CAPN5: variants seen among roughly 807,000 people sequenced by gnomAD.
CAPN5 encodes the protein calpain 5.
In CAPN5, 54 loss-of-function variants were observed where a neutral mutation model predicts 73.0. The observed-to-expected ratio is 0.74, with a 90% confidence interval of 0.59 to 0.93. The LOEUF is 0.93. CAPN5 is among the 40% of genes least tolerant of loss of function. The pLI is 0.00. For synonymous variants in CAPN5, 335 were observed against 356.9 expected (o/e 0.94, Z 0.69); for missense variants, 785 against 882.9 (o/e 0.89, Z 1.41).
At chr11:77,096,503 G>A (rs531776490) in intron 3 of CAPN5, among the ~76,000 whole-genome samples, 31 of 152,274 alleles carry the variant, frequency 2.0e-4, no homozygotes, top group Admixed American at 1.2e-3. Context: ...TCTCTGTTCT[G>A]TCAGACATCT....
At chr11:77,074,295 A>C (rs1359905365) in intron 1 of CAPN5, among the ~76,000 whole-genome samples, 1 of 151,454 alleles carries the variant, frequency 6.6e-6, no homozygotes, top group African/African-American at 2.4e-5. Flanking sequence ...CCTGTGCCCC[A>C]GTAAATGCTG....
chr11:77,070,468 A>G (rs1220467614), intron 1 of CAPN5, among the ~76,000 whole-genome samples: 1 of 152,230 alleles, frequency 6.6e-6, no homozygotes, highest in Non-Finnish European at 1.5e-5. Flanking sequence ...TGTTACTCAT[A>G]GCAGGAACTA....
At chr11:77,082,270 C>T (rs1950035479) in intron 1 of CAPN5, among the ~76,000 whole-genome samples, 1 of 152,144 alleles carries the variant, frequency 6.6e-6, no homozygotes, top group Non-Finnish European at 1.5e-5. Flanking sequence ...AGAGGGCAGG[C>T]ACACAGGGCA....
At chr11:77,106,338 C>T (rs1401320396) in intron 3 of CAPN5, among the ~76,000 whole-genome samples, 5 of 151,670 alleles carry the variant, frequency 3.3e-5, no homozygotes, top group African/African-American at 9.7e-5. Context: ...CCAGCCACTC[C>T]TGGAGTTGCC....
chr11:77,095,751 C>A (rs1408606371), intron 3 of CAPN5, among the ~76,000 whole-genome samples: 2 of 152,218 alleles, frequency 1.3e-5, no homozygotes, highest in African/African-American at 4.8e-5. Flanking sequence ...GGTGCAGCTC[C>A]ACCTCTCAAC....
chr11:77,095,233 G>A (rs1477083176), intron 3 of CAPN5, among the ~76,000 whole-genome samples: 1 of 148,688 alleles, frequency 6.7e-6, no homozygotes, highest in African/African-American at 2.5e-5. Flanking sequence ...GCTGGGGCCT[G>A]GTTCTGTGCT....
At chr11:77,087,817 G>T in intron 2 of CAPN5, 2 of 1,323,232 alleles carry the variant, frequency 1.5e-6, no homozygotes, top group Non-Finnish European at 2.1e-6. Context: ...CCTTGGTTGG[G>T]ACATCCCATC....
chr11:77,121,526 C>G (rs1950520313), intron 10 of CAPN5, among the ~76,000 whole-genome samples: 1 of 152,280 alleles, frequency 6.6e-6, no homozygotes, highest in African/African-American at 2.4e-5. Context: ...GGCTCAGGGT[C>G]CTGCCGGCCC....
At chr11:77,104,104 T>G (rs1482975427) in intron 3 of CAPN5, among the ~76,000 whole-genome samples, 1 of 152,196 alleles carries the variant, frequency 6.6e-6, no homozygotes, top group Non-Finnish European at 1.5e-5. Context: ...AGTTTTAGAT[T>G]ATCTGTTCAT....
chr11:77,102,924 G>A lies in CAPN5; in HGVS notation c.297+9111G>A, dbSNP rs375866081. 6.6e-5 allele frequency: 106 copies of A among 1,612,914 alleles called. No homozygotes were observed. The African/African-American group carries it at 1.1e-3, about 17-fold the overall frequency. On this transcript the variant is annotated intron_variant, in intron 3 of 12. Coordinates refer to ENST00000648180, the MANE Select transcript of CAPN5 (RefSeq NM_004055.5). ...CCTGACCAGGCAGATGCGGCTACGC[G>A]TGGAGAGCCTGAAGCAGCGCGGGGA...
rs181111950 is a variant in CAPN5, at chr11:77,112,387, C to T, written c.298-202C>T. On this transcript the variant is annotated intron_variant, in intron 3 of 12. Transcript: ENST00000648180. ...AGCTGGAAGGAGGCCGAGGGAGCCT[C>T]CAAGCCTCGCGGAGATGGGAACCTG... Among the ~76,000 whole-genome samples, 4 of 152,216 alleles carry T rather than the reference C, an allele frequency of 2.6e-5. No individual in the cohort carries two copies. In the East Asian group the frequency reaches 7.7e-4, roughly 29 times the overall value.
intron 7 of CAPN5, among the ~76,000 whole-genome samples, chr11:77,116,563 G>A (rs371829159): frequency 9.9e-5 from 15 of 152,168 alleles, no homozygotes; most frequent in African/African-American, 3.4e-4. Flanking sequence ...CACCCAGACC[G>A]AGCCTTTGGC....
chr11:77,082,903 T>A (rs1950042513), intron 1 of CAPN5, among the ~76,000 whole-genome samples: 1 of 152,254 alleles, frequency 6.6e-6, no homozygotes, highest in South Asian at 2.1e-4. Context: ...GGGCTCCTGC[T>A]TTCAGCTTCT....
At chr11:77,088,338 G>T (rs1373143482) in intron 2 of CAPN5, among the ~76,000 whole-genome samples, 2 of 152,132 alleles carry the variant, frequency 1.3e-5, no homozygotes, top group Admixed American at 6.5e-5. Flanking sequence ...TGAACATAAG[G>T]CCTTTTCGTG....
chr11:77,071,744 G>T (rs1949908985), intron 1 of CAPN5: 2 of 419,314 alleles, frequency 4.8e-6, no homozygotes, highest in Non-Finnish European at 1.0e-5. Context: ...CTCTGCCTGG[G>T]TATGGGGAGC....
chr11:77,085,203 G>T (rs1950073023), intron 2 of CAPN5, 152 bp downstream of exon 2: 4 of 691,684 alleles, frequency 5.8e-6, no homozygotes, highest in Non-Finnish European at 9.8e-6. Flanking sequence ...ATTTGATCCG[G>T]ATGGGGAGCT....
Position 77,125,022 on chromosome 11 carries a change from T to C in CAPN5, c.*1152T>C, listed in dbSNP as rs1291396974. 1 of 152,302 alleles carries C rather than the reference T, an allele frequency of 6.6e-6. No homozygotes were observed. Among genetic ancestry groups the C allele is most frequent in the Non-Finnish European group, 1.5e-5 (1 of 68,054 alleles). The allele number at this position is 152,302 out of a possible 1,614,324, so 9.4% of individuals were successfully genotyped here. On this transcript the variant is annotated 3_prime_UTR_variant, in exon 13 of 13. Coordinates refer to ENST00000648180, the MANE Select transcript of CAPN5 (RefSeq NM_004055.5). ...AAATCTCAATTTTAATCAGGGGTTTTAAAAGAAAATTGAAAGCCTGAACCT... is the reference window on the plus strand; with the variant it reads ...AAATCTCAATTTTAATCAGGGGTTTCAAAAGAAAATTGAAAGCCTGAACCT...
intron 3 of CAPN5, among the ~76,000 whole-genome samples, chr11:77,110,117 CT>C (rs34542185): frequency 0.019 from 2,767 of 144,282 alleles, 81 homozygotes; most frequent in African/African-American, 0.063. Context: ...TGGAACCGCT[CT>C]TTTTTTTTTT....
chr11:77,107,074 G>C (rs1417707691), intron 3 of CAPN5, among the ~76,000 whole-genome samples: 1 of 152,230 alleles, frequency 6.6e-6, no homozygotes, highest in East Asian at 1.9e-4. Context: ...GCCACTCTGT[G>C]GTGCATCGAC....
Sources: allele counts gnomAD v4.1 joint callset (sites outside exome capture counted in the v4.1 genomes callset), GRCh38; gene constraint gnomAD v4.1.1; transcripts MANE v1.5; gene names NCBI Gene and HGNC (gene_info 2026-07-23, HGNC 2026-07-21).